CNDP2: variants seen among roughly 807,000 people sequenced by gnomAD.
CNDP2 encodes the protein carnosine dipeptidase 2.
A neutral mutation model predicts 55.0 loss-of-function variants in CNDP2; 38 were observed. The ratio of observed to expected loss-of-function variants is 0.69; its 90% CI spans 0.53 to 0.90. The LOEUF (loss-of-function observed/expected upper bound fraction) is 0.90. Among genes scored for constraint, CNDP2 ranks in the 40% least tolerant of loss-of-function variants. CNDP2 has a pLI of 0.00. For synonymous variants in CNDP2, 241 were observed against 260.2 expected (o/e 0.93, Z 0.71); for missense variants, 607 against 621.7 (o/e 0.98, Z 0.25).
Position 74,518,938 on chromosome 18 carries a change from T to G in CNDP2, c.1211-11T>G, listed in dbSNP as rs781431656. ...AAAGCTCACCGTTTATTTTATTTCA[T>G]TTCCCCCCAGTTTTTGGTGTTGAGC... is the stretch of plus-strand genomic sequence containing the variant. On this transcript the variant is annotated splice_polypyrimidine_tract_variant and intron_variant, in intron 10 of 11. Transcript: ENST00000324262. 3 of 1,531,282 alleles carry G rather than the reference T, an allele frequency of 2.0e-6. No individual in the cohort carries two copies. The highest frequency in any genetic ancestry group is 2.6e-6 in the Non-Finnish European group (3 of 1,145,318). The allele number at this position is 1,531,282 out of a possible 1,614,324, so 94.9% of individuals were successfully genotyped here. A position where few individuals can be genotyped will look rare whatever the true frequency, so the allele number is the denominator to read the frequency against.
chr18:74,518,536 G>T lies in CNDP2; in HGVS notation c.1106G>T (p.Arg369Leu). The T allele has an allele frequency of 1.2e-6, 2 of 1,614,170 alleles. No individual in the cohort carries two copies. Among genetic ancestry groups the T allele is most frequent in the Non-Finnish European group, 1.7e-6 (2 of 1,180,036 alleles). Residue 369 changes from arginine to leucine, a missense_variant, in exon 10 of 12, where the codon CGC becomes CTC. Transcript: ENST00000324262. ...CTAACTAAGAAGTTTGCTGAACTAC[G>T]CAGCCCCAATGAGTTCAAGGTGTAC... The part of the protein sequence containing the change: ...SYLTKKFAEL[R>L]SPNEFKVYMG...
chr18:74,497,019 C>T (rs1267014690), intron 1 of CNDP2, among the ~76,000 whole-genome samples: 1 of 152,168 alleles, frequency 6.6e-6, no homozygotes, highest in Non-Finnish European at 1.5e-5. Flanking sequence ...ATTCCCATGC[C>T]AGCTTGATGG....
chr18:74,517,072 A>C (rs1455129933), intron 9 of CNDP2: 1 of 152,124 alleles, frequency 6.6e-6, no homozygotes, highest in Non-Finnish European at 1.5e-5. Context: ...AGGTGCCGGC[A>C]GCTGTGGCAT....
chr18:74,500,030 TA>T lies in CNDP2; in HGVS notation c.59del (p.Lys20ArgfsTer25), dbSNP rs1371646726. The T allele has an allele frequency of 6.2e-7, 1 of 1,613,228 alleles. No homozygotes were observed. The highest frequency in any genetic ancestry group is 8.5e-7 in the Non-Finnish European group (1 of 1,179,264). ...TAGATGAAAATCAGGATCGCTACATTAAGGTAAGGGAATATTCATTTTAGGA... is the reference window on the plus strand; with the variant it reads ...TAGATGAAAATCAGGATCGCTACATTAGGTAAGGGAATATTCATTTTAGGA... ...YIDENQDRYI[K>X]KLAKWVAIQS... On this transcript the variant is annotated frameshift_variant and splice_region_variant, in exon 2 of 12. Coordinates refer to ENST00000324262, the MANE Select transcript of CNDP2 (RefSeq NM_018235.3). LOFTEE classifies it high-confidence loss of function.
chr18:74,500,066 A>C lies in CNDP2; in HGVS notation c.60+33A>C, dbSNP rs562027222. 4 of 1,570,120 alleles carry C rather than the reference A, an allele frequency of 2.5e-6. No homozygotes were observed. In the African/African-American group the frequency reaches 5.4e-5, roughly 21 times the overall value. Reference sequence around the variant, plus strand: ...AATATTCATTTTAGGAAACAGTAAAATCTGATTTAATCCCATGGGGCCCAG... The same window carrying C: ...AATATTCATTTTAGGAAACAGTAAACTCTGATTTAATCCCATGGGGCCCAG... On this transcript the variant is annotated intron_variant, in intron 2 of 11. Transcript: ENST00000324262.
intron 3 of CNDP2, among the ~76,000 whole-genome samples, chr18:74,502,593 A>C (rs1978771067): frequency 6.6e-6 from 1 of 151,280 alleles, no homozygotes. Context: ...CCGGCCTCTT[A>C]CTGTATGTTA....
At chr18:74,510,674 G>A in intron 5 of CNDP2, 139 bp from the exon 6 acceptor site, 1 of 720,522 alleles carries the variant, frequency 1.4e-6, no homozygotes, top group Non-Finnish European at 2.3e-6. Context: ...CTGGGGAGGG[G>A]GTGATGACAG....
chr18:74,507,051 C>T (rs946712467), intron 4 of CNDP2: 1 of 152,216 alleles, frequency 6.6e-6, no homozygotes, highest in Admixed American at 6.5e-5. Context: ...CTGAAACTGA[C>T]TTTACTTAAA....
chr18:74,505,988 C>T lies in CNDP2; in HGVS notation c.344C>T (p.Pro115Leu). 5.0e-6 allele frequency: 8 copies of T among 1,599,120 alleles called. No individual in the cohort carries two copies. The highest frequency in any genetic ancestry group is 6.8e-6 in the Non-Finnish European group (8 of 1,175,234). ...CTGGAGGACGGCTGGGACAGCGAGC[C>T]CTTCACCCTGGTGGAGCGAGACGGT... is the stretch of plus-strand genomic sequence containing the variant. Reference protein sequence around the residue: ...AALEDGWDSEPFTLVERDGKL... With the variant: ...AALEDGWDSELFTLVERDGKL... The change falls in exon 4 of 12, where the codon CCC becomes CTC. Residue 115 changes from proline to leucine, a missense_variant. Pro to Leu is a moderately conservative substitution (Grantham distance 98). Coordinates refer to ENST00000324262, the MANE Select transcript of CNDP2 (RefSeq NM_018235.3).
intron 8 of CNDP2, 130 bp downstream of exon 8, chr18:74,513,849 G>C: frequency 2.2e-6 from 2 of 928,850 alleles, no homozygotes. Context: ...ATGCACATGA[G>C]TCACTCAGAA....
intron 2 of CNDP2, 196 bp from the exon 3 acceptor site, chr18:74,501,133 C>G: frequency 1.4e-4 from 159 of 1,148,258 alleles, no homozygotes; most frequent in South Asian, 1.7e-4. Context: ...GAGAGGGTCT[C>G]TCTCTTCCCT....
chr18:74,496,807 G>T (rs1474634750), intron 1 of CNDP2, among the ~76,000 whole-genome samples: 1 of 152,200 alleles, frequency 6.6e-6, no homozygotes, highest in Non-Finnish European at 1.5e-5. Flanking sequence ...GCCGAGCGCT[G>T]GTCAGGCCAC....
At position 74,510,842 on chromosome 18, in the gene CNDP2, C is replaced by T. The variant is rs751859927; in HGVS notation, c.486C>T (p.Leu162=). ...QEIPVNVRFC[L]EGMEESGSEG... Reference sequence around the variant, plus strand: ...TTCCTGTCAACGTCCGATTCTGCCTCGAAGGCATGGAGGAGTCAGGCTCTG... The same window carrying T: ...TTCCTGTCAACGTCCGATTCTGCCTTGAAGGCATGGAGGAGTCAGGCTCTG... The change falls in exon 6 of 12, where the codon CTC becomes CTT. Residue 162 remains leucine (L), a synonymous_variant. Coordinates refer to ENST00000324262, the MANE Select transcript of CNDP2 (RefSeq NM_018235.3). 4.2e-5 allele frequency: 67 copies of T among 1,613,952 alleles called. No individual in the cohort carries two copies. The highest frequency in any genetic ancestry group is 5.5e-5 in the Non-Finnish European group (65 of 1,180,006).
intron 7 of CNDP2, 120 bp from the exon 8 acceptor site, chr18:74,513,439 G>A: frequency 9.3e-7 from 1 of 1,072,910 alleles, no homozygotes; most frequent in African/African-American, 1.6e-5. Context: ...TCAGCCACGT[G>A]GCTGTGGGGC....
chr18:74,516,345 T>G lies in CNDP2; in HGVS notation c.1021T>G (p.Ser341Ala). Reference sequence around the variant, plus strand: ...TCCCAGGAAGGTGGTTGGCAAGTTCTCCATCAGGCTCGTGCCGAACATGAC... The same window carrying G: ...TCCCAGGAAGGTGGTTGGCAAGTTCGCCATCAGGCTCGTGCCGAACATGAC... ...VIPRKVVGKF[S>A]IRLVPNMTPE... Residue 341 changes from serine (S) to alanine (A), a missense_variant, in exon 9 of 12, where the codon TCC becomes GCC. Ser to Ala is a moderately conservative substitution (Grantham distance 99). Transcript: ENST00000324262. 6.2e-7 allele frequency: 1 copy of G among 1,614,006 alleles called. No individual in the cohort carries two copies. The highest frequency in any genetic ancestry group is 8.5e-7 in the Non-Finnish European group (1 of 1,179,926).
intron 8 of CNDP2, 76 bp downstream of exon 8, chr18:74,513,795 T>C (rs1979494041): frequency 6.8e-7 from 1 of 1,480,906 alleles, no homozygotes; most frequent in Non-Finnish European, 9.2e-7. Flanking sequence ...CCTGTCACCT[T>C]CCCTGGGTCC....
chr18:74,505,869 C>G lies in CNDP2; in HGVS notation c.225C>G (p.Ile75Met). The G allele has an allele frequency of 6.2e-7, 1 of 1,611,638 alleles. No individual in the cohort carries two copies. Reference sequence around the variant, plus strand: ...CTCAGCTCCCTGATGGCTCGGAGATCCCGCTCCCTCCTATTCTGCTCGGCA... The same window carrying G: ...CTCAGCTCCCTGATGGCTCGGAGATGCCGCTCCCTCCTATTCTGCTCGGCA... ...GKQKLPDGSE[I>M]PLPPILLGRL... The change falls in exon 4 of 12, where the codon ATC (isoleucine) becomes ATG (methionine). Residue 75 changes from isoleucine (I) to methionine (M), a missense_variant. By Grantham distance (10) the Ile-to-Met change is conservative. Transcript: ENST00000324262.
At chr18:74,512,978 T>A (rs1425893420) in intron 7 of CNDP2, among the ~76,000 whole-genome samples, 2 of 152,214 alleles carry the variant, frequency 1.3e-5, no homozygotes, top group East Asian at 3.9e-4. Flanking sequence ...GTTCCCGGTG[T>A]CCTCCTGCTC....
chr18:74,514,802 G>C (rs17089361), intron 8 of CNDP2, among the ~76,000 whole-genome samples: 81,282 of 150,930 alleles, frequency 0.54, 22,615 homozygotes, highest in East Asian at 0.68. Flanking sequence ...GCCATTGATT[G>C]AGCCAGCATC....
Sources: allele counts gnomAD v4.1 joint callset (sites outside exome capture counted in the v4.1 genomes callset), GRCh38; gene constraint gnomAD v4.1.1; transcripts MANE v1.5; gene names NCBI Gene and HGNC (gene_info 2026-07-23, HGNC 2026-07-21).